PTK6: variants seen among roughly 807,000 people sequenced by gnomAD.
The protein encoded by PTK6 is protein tyrosine kinase 6.
In PTK6, 47 loss-of-function variants were observed where a neutral mutation model predicts 47.5. The observed-to-expected ratio is 0.99, with a 90% CI of 0.78 to 1.26. The LOEUF is 1.26. Among genes scored for constraint, PTK6 ranks in the 50% most tolerant of loss-of-function variants. PTK6 has a pLI of 0.00. For synonymous variants in PTK6, 287 were observed against 276.5 expected (o/e 1.04, Z -0.38); for missense variants, 618 against 625.3 (o/e 0.99, Z 0.12).
chr20:63,531,694 G>A (rs1022868473), intron 5 of PTK6, among the ~76,000 whole-genome samples: 2 of 152,106 alleles, frequency 1.3e-5, no homozygotes, highest in African/African-American at 2.4e-5. Flanking sequence ...GTGATGACGC[G>A]GGAGGAGCTG....
rs2082633219 is a variant in PTK6, at chr20:63,532,523, C to CA, written c.832+2dup. The CA allele has an allele frequency of 1.2e-6, 2 of 1,605,584 alleles. No homozygotes were observed. The highest frequency in any genetic ancestry group is 2.7e-5 in the African/African-American group (2 of 74,762). ...AGCAAGAGCCCCGGCCCATGCCACT[C>CA]ACCGCGGAGCAGCTCCAGCAGGCTG... is the stretch of plus-strand genomic sequence containing the variant. On this transcript the variant is annotated splice_region_variant and intron_variant, in intron 5 of 7. Transcript: ENST00000542869.
Position 63,530,987 on chromosome 20 carries a change from T to C in PTK6, c.833-60A>G, listed in dbSNP as rs191090. The C allele has an allele frequency of 0.33, 480,595 of 1,449,028 alleles. 108,850 individuals carry two copies. The highest frequency in any genetic ancestry group is 1 in the East Asian group (39,871 of 40,010). The allele number at this position is 1,449,028 out of a possible 1,614,324, so 89.8% of individuals were successfully genotyped here. A position where few individuals can be genotyped will look rare whatever the true frequency, so the allele number is the denominator to read the frequency against. On this transcript the variant is annotated intron_variant, in intron 5 of 7. Transcript: ENST00000542869. This position sits in a 1 kb window ranked among gnomAD's most constrained non-coding sequence, Gnocchi z 4.1. ...CTGAGCCAGCTGAGGTGGGGAAGGG[T>C]TGGGGAGGCTGGGCCATGTCTCATC...
chr20:63,531,293 C>T (rs967339553), intron 5 of PTK6, among the ~76,000 whole-genome samples: 5 of 150,830 alleles, frequency 3.3e-5, no homozygotes, highest in East Asian at 3.9e-4. Flanking sequence ...TGGTGGCGGG[C>T]GCCTGTAGTC....
rs530797791 is a variant in PTK6, at chr20:63,535,094, G to A, written c.231-35C>T. On this transcript the variant is annotated intron_variant, in intron 1 of 7. Transcript: ENST00000542869. ...AGGAGTCTGAGAACACGCGGACCTG[G>A]GCCCACCCCACGTGGACCCCACGCT... The A allele has an allele frequency of 3.1e-4, 483 of 1,565,372 alleles. 5 individuals carry two copies. The East Asian group carries it at 9.7e-3, about 31-fold the overall frequency.
At chr20:63,534,496 C>G (rs988300302) in intron 2 of PTK6, among the ~76,000 whole-genome samples, 181 bp from the exon 3 acceptor site, 3 of 152,212 alleles carry the variant, frequency 2.0e-5, no homozygotes, top group Admixed American at 6.5e-5. Context: ...CACGCTCTGG[C>G]CAAGCTCTCT....
intron 4 of PTK6, 148 bp from the exon 5 acceptor site, chr20:63,532,835 G>A (rs919911563): frequency 4.4e-6 from 5 of 1,134,704 alleles, no homozygotes; most frequent in African/African-American, 3.1e-5. Flanking sequence ...AGGGCACCTG[G>A]CTCCCGAGGC....
rs781336947 is a variant in PTK6, at chr20:63,534,174, C to T, written c.494G>A (p.Arg165Gln). ...TACCTTCCGGCAGGGCGCGGCCAGC[C>T]GCAGGCCGTGGGACAGGCTCTGGGC... ...HRAQSLSHGL[R>Q]LAAPCRKHEP... is the part of the protein sequence containing the mutation. The change falls in exon 3 of 8, where the codon CGG becomes CAG. Residue 165 changes from arginine to glutamine, a missense_variant. Physicochemically the swap from Arg to Gln is conservative, Grantham distance 43. Coordinates refer to ENST00000542869, the MANE Select transcript of PTK6 (RefSeq NM_005975.4). 7.1e-5 allele frequency: 111 copies of T among 1,559,180 alleles called. No individual in the cohort carries two copies. The highest frequency in any genetic ancestry group is 2.9e-4 in the Admixed American group (15 of 52,238).
At chr20:63,537,018 GCCCTGTCCCTC>G in intron 1 of PTK6, 56 bp downstream of exon 1, 1 of 1,489,938 alleles carries the variant, frequency 6.7e-7, no homozygotes, top group South Asian at 1.3e-5. Flanking sequence ...GCAGCCCAGA[GCCCTGTCCCTC>G]CCCTGTGCCT....
chr20:63,530,142 G>C lies in PTK6; in HGVS notation c.1104C>G (p.Ser368=). ...GGAGAATCCCAAAGGACCAGACGTC[G>C]GATTTGGTGGAGTAATGGCCTCGGG... ...ALSRGHYSTK[S]DVWSFGILLH... The change falls in exon 7 of 8, where the codon TCC becomes TCG. Residue 368 remains serine, a synonymous_variant. Coordinates refer to ENST00000542869, the MANE Select transcript of PTK6 (RefSeq NM_005975.4). This position sits in a 1 kb window ranked among gnomAD's most constrained non-coding sequence, Gnocchi z 4.1. 6.2e-7 allele frequency: 1 copy of C among 1,614,076 alleles called. No individual in the cohort carries two copies. The highest frequency in any genetic ancestry group is 8.5e-7 in the Non-Finnish European group (1 of 1,179,982).
intron 2 of PTK6, 48 bp downstream of exon 2, chr20:63,534,890 G>C (rs777422092): frequency 6.4e-7 from 1 of 1,555,056 alleles, no homozygotes; most frequent in Non-Finnish European, 8.7e-7. Flanking sequence ...AGGGCTTAGA[G>C]CCAGGAGCCC....
intron 5 of PTK6, 76 bp downstream of exon 5, chr20:63,532,448 CGT>C: frequency 2.1e-6 from 3 of 1,418,266 alleles, no homozygotes; most frequent in East Asian, 2.3e-5. Context: ...TGTGTGTAGA[CGT>C]GGGGGGGGGG....
At position 63,537,246 on chromosome 20, in the gene PTK6, C is replaced by A; in HGVS notation, c.69G>T (p.Thr23=). ...YVGLWDFKSR[T]DEELSFRAGD... ...CCGCGCGGAAGCTCAGCTCCTCGTC[C>A]GTCCGGGACTTGAAGTCCCAGAGGC... Residue 23 remains threonine, a synonymous_variant, in exon 1 of 8, where the codon ACG becomes ACT. Coordinates refer to ENST00000542869, the MANE Select transcript of PTK6 (RefSeq NM_005975.4). 6.2e-7 allele frequency: 1 copy of A among 1,612,420 alleles called. No individual in the cohort carries two copies. Among genetic ancestry groups the A allele is most frequent in the Non-Finnish European group, 8.5e-7 (1 of 1,179,818 alleles).
Position 63,534,949 on chromosome 20 carries a change from T to C in PTK6, c.341A>G (p.Tyr114Cys). 6.2e-7 allele frequency: 1 copy of C among 1,603,460 alleles called. No homozygotes were observed. Among genetic ancestry groups the C allele is most frequent in the Non-Finnish European group, 8.5e-7 (1 of 1,176,022 alleles). The change falls in exon 2 of 8, where the codon TAC becomes TGC. Residue 114 changes from tyrosine to cysteine, a missense_variant. Transcript: ENST00000542869. ...GGCCGGGGCCGCACCCGACAGGACG[T>C]AGTCGGCACTCGGCTTCTCGCTGAC... The part of the protein sequence containing the change: ...IRVSEKPSAD[Y>C]VLSVRDTQAV...
intron 1 of PTK6, 125 bp from the exon 2 acceptor site, chr20:63,535,184 A>AC: frequency 7.5e-7 from 1 of 1,335,144 alleles, no homozygotes; most frequent in Non-Finnish European, 9.9e-7. Flanking sequence ...CCCAGCCCTG[A>AC]CCACAGCTGC....
chr20:63,531,195 A>G (rs112293571), intron 5 of PTK6, among the ~76,000 whole-genome samples: 21,480 of 150,868 alleles, frequency 0.14, 4,314 homozygotes, highest in African/African-American at 0.45. Flanking sequence ...GCTGAGGCGG[A>G]TGGATCACGA....
rs2082596548 is a variant in PTK6, at chr20:63,528,946, T to C, written c.*590A>G. 6.6e-6 allele frequency: 1 copy of C among 152,164 alleles called. No individual in the cohort carries two copies. Among genetic ancestry groups the C allele is most frequent in the Admixed American group, 6.6e-5 (1 of 15,260 alleles). 9.4% of individuals were successfully genotyped at this position (152,164 alleles called of 1,614,324 possible). A position where few individuals can be genotyped will look rare whatever the true frequency, so the allele number is the denominator to read the frequency against. On this transcript the variant is annotated 3_prime_UTR_variant, in exon 8 of 8. Coordinates refer to ENST00000542869, the MANE Select transcript of PTK6 (RefSeq NM_005975.4). Reference sequence around the variant, plus strand: ...AAAGGTGAAGGTGGGAAAAGCCCCTTGTGGACGTGGACGGTGAAACTGAGC... The same window carrying C: ...AAAGGTGAAGGTGGGAAAAGCCCCTCGTGGACGTGGACGGTGAAACTGAGC...
chr20:63,531,420 CAAA>C (rs1157854507), intron 5 of PTK6, among the ~76,000 whole-genome samples: 18 of 45,780 alleles, frequency 3.9e-4, no homozygotes, highest in African/African-American at 2.1e-3. Flanking sequence ...GACTCCGTCT[CAAA>C]AAAAAAAAAA....
At position 63,533,489 on chromosome 20, in the gene PTK6, G is replaced by A. The variant is rs2145974030; in HGVS notation, c.670+62C>T. 6.6e-7 allele frequency: 1 copy of A among 1,506,508 alleles called. No homozygotes were observed. The highest frequency in any genetic ancestry group is 8.9e-7 in the Non-Finnish European group (1 of 1,123,258). The allele number at this position is 1,506,508 out of a possible 1,614,324, so 93.3% of individuals were successfully genotyped here. A position where few individuals can be genotyped will look rare whatever the true frequency, so the allele number is the denominator to read the frequency against. On this transcript the variant is annotated intron_variant, in intron 4 of 7. Transcript: ENST00000542869. The surrounding 1 kb of genome is among the most constrained non-coding windows in gnomAD (Gnocchi z 4.0). ...CGAGGCCAGAGGTCCCTGTTGGCGG[G>A]GTGGGAGGGTGGCCCAGGGCAGGCA... is the stretch of plus-strand genomic sequence containing the variant.
Position 63,529,611 on chromosome 20 carries a change from G to T in PTK6, c.1281C>A (p.Asp427Glu), listed in dbSNP as rs1475523042. The change falls in exon 8 of 8, where the codon GAC becomes GAA. Residue 427 changes from aspartate (D) to glutamate (E), a missense_variant. Coordinates refer to ENST00000542869, the MANE Select transcript of PTK6 (RefSeq NM_005975.4). This position sits in a 1 kb window ranked among gnomAD's most constrained non-coding sequence, Gnocchi z 5.6. ...CCTTGAAGCAGGGTCTCTGCTCGGG[G>T]TCCCTGCACCAGCATGTCAGCATCA... is the stretch of plus-strand genomic sequence containing the variant. The part of the protein sequence containing the change: ...HKLMLTCWCR[D>E]PEQRPCFKAL... 8 of 1,559,052 alleles carry T rather than the reference G, an allele frequency of 5.1e-6. No homozygotes were observed. Among genetic ancestry groups the T allele is most frequent in the Non-Finnish European group, 2.6e-6 (3 of 1,152,086 alleles).
Sources: allele counts gnomAD v4.1 joint callset (sites outside exome capture counted in the v4.1 genomes callset), GRCh38; gene constraint gnomAD v4.1.1; non-coding constraint Gnocchi (gnomAD v3.1); transcripts MANE v1.5; gene names NCBI Gene and HGNC (gene_info 2026-07-23, HGNC 2026-07-21).